TWF1: variants seen among roughly 807,000 people sequenced by gnomAD.
The protein encoded by TWF1 is twinfilin actin binding protein 1.
In TWF1, 14 loss-of-function variants were observed where a neutral mutation model predicts 47.9. The ratio of observed to expected loss-of-function variants is 0.29; its 90% CI spans 0.19 to 0.46. The LOEUF (loss-of-function observed/expected upper bound fraction) is 0.46, where lower values mean the gene tolerates loss of function less well. Among genes scored for constraint, TWF1 ranks in the 20% least tolerant of loss-of-function variants. The pLI, the probability that TWF1 is intolerant of heterozygous loss-of-function variation, is 1.00. For missense variants in TWF1, 281 were observed against 409.3 expected, an observed-to-expected ratio of 0.69 and a Z score of 2.70; for synonymous variants, 96 against 139.2, an observed-to-expected ratio of 0.69 and a Z score of 2.18.
intron 2 of TWF1, 200 bp downstream of exon 2, chr12:43,804,295 T>A: frequency 1.7e-6 from 1 of 573,022 alleles, no homozygotes; most frequent in East Asian, 3.6e-5. Flanking sequence ...ATCTTTCTGT[T>A]TCCCTGATAG....
At chr12:43,800,670 A>T (rs1942643618) in intron 3 of TWF1, 140 bp from the exon 4 acceptor site, 1 of 603,762 alleles carries the variant, frequency 1.7e-6, no homozygotes, top group Non-Finnish European at 2.9e-6. Flanking sequence ...ATATGCTAAA[A>T]TACGTGTGTA....
In TWF1 at chr12:43,802,483, A is replaced by C. The variant is rs1490572161; in HGVS notation, c.104-19T>G. 3.2e-6 allele frequency: 5 copies of C among 1,582,114 alleles called. No individual in the cohort carries two copies. In the Admixed American group the frequency reaches 8.8e-5, roughly 28 times the overall value. ...AGTTGCTCTATGAAAAATTATTTTT[A>C]GAAAGATAGGTAAATGGTTTGAGAT... On this transcript the variant is annotated intron_variant, in intron 2 of 8. Coordinates refer to ENST00000395510, the MANE Select transcript of TWF1 (RefSeq NM_002822.5).
At chr12:43,804,709 T>C (rs1942725675) in intron 1 of TWF1, 137 bp from the exon 2 acceptor site, 2 of 547,182 alleles carry the variant, frequency 3.7e-6, no homozygotes. Flanking sequence ...TTATAAAACT[T>C]TACCGCATAA....
At chr12:43,801,810 A>G (rs1327011619) in intron 3 of TWF1, among the ~76,000 whole-genome samples, 2 of 152,114 alleles carry the variant, frequency 1.3e-5, no homozygotes, top group Admixed American at 1.3e-4. Flanking sequence ...TGGGTGGATC[A>G]CTTAAGGCCA....
rs760088863 is a variant in TWF1, at chr12:43,797,760, G to C, written c.557C>G (p.Ala186Gly). 3 of 1,613,332 alleles carry C rather than the reference G, an allele frequency of 1.9e-6. No individual in the cohort carries two copies. The highest frequency in any genetic ancestry group is 2.5e-6 in the Non-Finnish European group (3 of 1,179,562). Residue 186 changes from alanine to glycine, a missense_variant, in exon 6 of 9, where the codon GCC becomes GGC. Transcript: ENST00000395510. ...QGVAFPISRE[A>G]FQALEKLNNR... ...ATTCAATTTTTCCAAAGCCTGAAAG[G>C]CTTCTCGAGAAATGGGAAATGCTAC... is the stretch of plus-strand genomic sequence containing the variant.
chr12:43,802,074 T>C (rs1942671563), intron 3 of TWF1, among the ~76,000 whole-genome samples: 1 of 152,138 alleles, frequency 6.6e-6, no homozygotes, highest in Non-Finnish European at 1.5e-5. Context: ...TTTTAAATCT[T>C]AAATCAGTAA....
chr12:43,804,053 C>A, intron 2 of TWF1: 1 of 207,528 alleles, frequency 4.8e-6, no homozygotes, highest in Non-Finnish European at 1.0e-5. Context: ...GGGAAATGAT[C>A]ATTTCTGTGG....
intron 1 of TWF1, among the ~76,000 whole-genome samples, chr12:43,804,869 A>T (rs1045855232): frequency 6.6e-6 from 1 of 152,238 alleles, no homozygotes; most frequent in Non-Finnish European, 1.5e-5. Flanking sequence ...TAATGAGCAA[A>T]TTACAATTTT....
intron 8 of TWF1, among the ~76,000 whole-genome samples, chr12:43,796,269 G>T (rs1432998446): frequency 1.3e-5 from 2 of 152,134 alleles, no homozygotes; most frequent in African/African-American, 4.8e-5. Flanking sequence ...AAAGTCAGCT[G>T]ATCCCTGCTA....
intron 1 of TWF1, among the ~76,000 whole-genome samples, chr12:43,805,222 T>C (rs893169210): frequency 6.6e-6 from 1 of 152,212 alleles, no homozygotes; most frequent in African/African-American, 2.4e-5. Context: ...AACCACTATG[T>C]AAGTAGGTAG....
Position 43,800,843 on chromosome 12 carries a change from C to A in TWF1, c.283-313G>T, listed in dbSNP as rs142150354. On this transcript the variant is annotated intron_variant, in intron 3 of 8. Transcript: ENST00000395510. ...TCAGCTCACTGCAACCTCTGCCTCC[C>A]AGGTTCAAGTGGTTCTCCTGCCTCA... 8.7e-3 allele frequency among the ~76,000 whole-genome samples: 1,320 copies of A among 152,216 alleles called. 17 individuals carry two copies. The highest frequency in any genetic ancestry group is 0.029 in the African/African-American group (1,198 of 41,516).
rs754924303 is a variant in TWF1, at chr12:43,806,090, C to G, written c.25+131G>C. 35 of 1,519,290 alleles carry G rather than the reference C, an allele frequency of 2.3e-5. No homozygotes were observed. In the African/African-American group the frequency reaches 4.4e-4, roughly 19 times the overall value. 94.1% of individuals were successfully genotyped at this position (1,519,290 alleles called of 1,614,324 possible). On this transcript the variant is annotated intron_variant, in intron 1 of 8. Transcript: ENST00000395510. ...GCAGGAGCGCGGAGAGGCGCCGAGG[C>G]CCGGCTCGCCCCGCGAGACCGACTT...
rs188982714 is a variant in TWF1, at chr12:43,797,012, A to G, written c.846T>C (p.Ile282=). The change falls in exon 8 of 9, where the codon ATT becomes ATC. Residue 282 remains isoleucine, a synonymous_variant. Coordinates refer to ENST00000395510, the MANE Select transcript of TWF1 (RefSeq NM_002822.5). ...CATCCATTTGTAGTTGTCTTTCTACAATTTCTAGCAGACGGCTCTTGCAGC... is the reference window on the plus strand; with the variant it reads ...CATCCATTTGTAGTTGTCTTTCTACGATTTCTAGCAGACGGCTCTTGCAGC... The part of the protein sequence containing the change: ...YSSCKSRLLE[I]VERQLQMDVI... 5.6e-6 allele frequency: 9 copies of G among 1,611,462 alleles called. No homozygotes were observed. In the East Asian group the frequency reaches 1.8e-4, roughly 32 times the overall value.
rs1942528127 is a variant in TWF1 at position 43,795,219 on chromosome 12, T to C, written c.*366A>G. Reference sequence around the variant, plus strand: ...TCCTTAACATATTCATTAAGTAATATGAATATTTTAAGGTCTTTCTGTCCC... The same window carrying C: ...TCCTTAACATATTCATTAAGTAATACGAATATTTTAAGGTCTTTCTGTCCC... On this transcript the variant is annotated 3_prime_UTR_variant, in exon 9 of 9. Coordinates refer to ENST00000395510, the MANE Select transcript of TWF1 (RefSeq NM_002822.5). 5.9e-6 allele frequency: 1 copy of C among 168,850 alleles called. No homozygotes were observed. 10.5% of individuals were successfully genotyped at this position (168,850 alleles called of 1,614,324 possible). A position where few individuals can be genotyped will look rare whatever the true frequency, so the allele number is the denominator to read the frequency against.
At chr12:43,795,814 T>C in intron 8 of TWF1, 59 bp from the exon 9 acceptor site, 8 of 1,564,338 alleles carry the variant, frequency 5.1e-6, no homozygotes, top group Non-Finnish European at 6.1e-6. Context: ...AACAAGCTGG[T>C]TTTCAGGTAT....
chr12:43,797,766 C>T lies in TWF1; in HGVS notation c.551G>A (p.Arg184Gln), dbSNP rs372296866. 5.0e-6 allele frequency: 8 copies of T among 1,613,408 alleles called. No individual in the cohort carries two copies. Among genetic ancestry groups the T allele is most frequent in the African/African-American group, 2.7e-5 (2 of 75,010 alleles). The change falls in exon 6 of 9, where the codon CGA becomes CAA. Residue 184 changes from arginine (R) to glutamine (Q), a missense_variant. Transcript: ENST00000395510. ...TLQGVAFPISREAFQALEKLN... is the reference protein window; with the variant it reads ...TLQGVAFPISQEAFQALEKLN... ...TTTTTCCAAAGCCTGAAAGGCTTCT[C>T]GAGAAATGGGAAATGCTACTCCTTG... is the stretch of plus-strand genomic sequence containing the variant.
intron 1 of TWF1, chr12:43,805,428 G>A: frequency 2.6e-6 from 1 of 387,540 alleles, no homozygotes; most frequent in Non-Finnish European, 5.2e-6. Flanking sequence ...AGAAAGACTC[G>A]CTATTAACAG....
At chr12:43,801,200 G>A (rs1249175042) in intron 3 of TWF1, among the ~76,000 whole-genome samples, 2 of 152,042 alleles carry the variant, frequency 1.3e-5, no homozygotes, top group South Asian at 2.1e-4. Flanking sequence ...CAAAGATTAC[G>A]AATTAAGTTG....
At chr12:43,805,147 T>C (rs1467602030) in intron 1 of TWF1, among the ~76,000 whole-genome samples, 1 of 152,228 alleles carries the variant, frequency 6.6e-6, no homozygotes, top group Non-Finnish European at 1.5e-5. Flanking sequence ...TAACTAACCC[T>C]TGTGTTCCTA....
Sources: allele counts gnomAD v4.1 joint callset (sites outside exome capture counted in the v4.1 genomes callset), GRCh38; gene constraint gnomAD v4.1.1; transcripts MANE v1.5; gene names NCBI Gene and HGNC (gene_info 2026-07-23, HGNC 2026-07-21).